Variants in ADGRL2 observed in about 807,000 individuals in gnomAD.
ADGRL2 encodes the protein adhesion G protein-coupled receptor L2.
ADGRL2 carries 44 observed loss-of-function variants against 157.4 expected under a neutral mutation model. That is an observed-to-expected ratio of 0.28 (90% confidence interval 0.22 to 0.36). ADGRL2 has a LOEUF of 0.36. Among genes scored for constraint, ADGRL2 ranks in the 10% least tolerant of loss-of-function variants. ADGRL2 has a pLI of 1.00. For missense variants in ADGRL2, 1,510 were observed against 1,768.9 expected, an observed-to-expected ratio of 0.85 and a Z score of 2.63; for synonymous variants, 585 against 624.7, an observed-to-expected ratio of 0.94 and a Z score of 0.95.
chr1:81,696,480 C>T (rs1228802069), upstream of ADGRL2, among the ~76,000 whole-genome samples: 3 of 152,058 alleles, frequency 2.0e-5, no homozygotes, highest in Non-Finnish European at 4.4e-5. Flanking sequence ...TGGCCAGGCG[C>T]GGTGGCTCAC....
intron 1 of ADGRL2, among the ~76,000 whole-genome samples, chr1:81,361,241 G>C (rs1318628622): frequency 6.6e-6 from 1 of 151,828 alleles, no homozygotes; most frequent in Non-Finnish European, 1.5e-5. Flanking sequence ...AAGTCTCTAA[G>C]CTGCCATTTT....
intron 1 of ADGRL2, among the ~76,000 whole-genome samples, chr1:81,391,974 A>T (rs2076567669): frequency 6.6e-6 from 1 of 152,170 alleles, no homozygotes; most frequent in South Asian, 2.1e-4. Context: ...CATAACAAGC[A>T]TTATCTCCAG....
At chr1:81,975,791 A>C (rs1558034758) in intron 17 of ADGRL2, among the ~76,000 whole-genome samples, 2 of 151,928 alleles carry the variant, frequency 1.3e-5, no homozygotes, top group Non-Finnish European at 2.9e-5. Flanking sequence ...ATGACTACAG[A>C]TTTTTATCAA....
intron 2 of ADGRL2, among the ~76,000 whole-genome samples, chr1:81,780,209 T>C (rs982140513): frequency 1.3e-3 from 198 of 152,314 alleles, no homozygotes; most frequent in African/African-American, 4.4e-3. Flanking sequence ...ATCAGCTTGA[T>C]TGAATTATAA....
At chr1:81,431,654 A>G (rs570152365) in intron 1 of ADGRL2, among the ~76,000 whole-genome samples, 1 of 152,318 alleles carries the variant, frequency 6.6e-6, no homozygotes, top group African/African-American at 2.4e-5. Flanking sequence ...GTGATTTTCA[A>G]TTTTAGGATT....
intron 2 of ADGRL2, among the ~76,000 whole-genome samples, 179 bp from the exon 3 acceptor site, chr1:81,906,838 A>T (rs1334162411): frequency 6.6e-6 from 1 of 152,238 alleles, no homozygotes; most frequent in Non-Finnish European, 1.5e-5. Context: ...CCAAATAAAG[A>T]TGAATAAAAA....
intron 1 of ADGRL2, among the ~76,000 whole-genome samples, chr1:81,369,704 GA>G (rs61407845): frequency 0.016 from 2,366 of 148,698 alleles, 58 homozygotes; most frequent in African/African-American, 0.053. Flanking sequence ...TTATGAACAT[GA>G]AAAAAAAAAT....
upstream of ADGRL2, among the ~76,000 whole-genome samples, chr1:81,696,043 A>G (rs662179): frequency 0.35 from 52,743 of 151,930 alleles, 9,339 homozygotes; most frequent in Admixed American, 0.41. Context: ...CCACACCCAG[A>G]AGGACCTAGA....
At chr1:81,574,846 G>GATTT (rs2080765920) in intron 2 of ADGRL2, among the ~76,000 whole-genome samples, 1 of 152,162 alleles carries the variant, frequency 6.6e-6, no homozygotes, top group Non-Finnish European at 1.5e-5. Flanking sequence ...ATGCCATTTA[G>GATTT]CGAAGAAAAC....
At chr1:81,619,430 G>C (rs1430771580) in intron 3 of ADGRL2, among the ~76,000 whole-genome samples, 1 of 152,102 alleles carries the variant, frequency 6.6e-6, no homozygotes, top group South Asian at 2.1e-4. Flanking sequence ...TGGTCTTCAC[G>C]ACCTGCAAAC....
At chr1:81,793,584 T>C (rs1327049322) in intron 2 of ADGRL2, among the ~76,000 whole-genome samples, 3 of 152,098 alleles carry the variant, frequency 2.0e-5, no homozygotes, top group African/African-American at 7.2e-5. Context: ...TAAGGTACAA[T>C]ATTTTACTTC....
At chr1:81,582,670 G>C (rs931417800) in intron 3 of ADGRL2, among the ~76,000 whole-genome samples, 1 of 151,838 alleles carries the variant, frequency 6.6e-6, no homozygotes, top group Non-Finnish European at 1.5e-5. Context: ...TTACAGAATA[G>C]ACCAATTTGC....
intron 3 of ADGRL2, among the ~76,000 whole-genome samples, chr1:81,922,699 T>A (rs533685880): frequency 1.8e-4 from 27 of 152,254 alleles, no homozygotes; most frequent in Non-Finnish European, 3.2e-4. Flanking sequence ...CACTTTTTTT[T>A]AAAACCAGCA....
At chr1:81,350,023 G>A (rs537736344) in intron 1 of ADGRL2, among the ~76,000 whole-genome samples, 6 of 151,870 alleles carry the variant, frequency 4.0e-5, no homozygotes, top group South Asian at 4.2e-4. Flanking sequence ...AATAATTACC[G>A]CAAATGTCAT....
chr1:81,399,256 G>A (rs564495974), intron 1 of ADGRL2, among the ~76,000 whole-genome samples: 12 of 152,294 alleles, frequency 7.9e-5, no homozygotes, highest in East Asian at 7.7e-4. Context: ...CCTCCCACCA[G>A]GCTCTGCCTC....
At chr1:81,621,052 T>C (rs942428794) in intron 3 of ADGRL2, among the ~76,000 whole-genome samples, 2 of 152,170 alleles carry the variant, frequency 1.3e-5, no homozygotes, top group African/African-American at 4.8e-5. Flanking sequence ...TTTTCCCCCA[T>C]ATCATGGTGC....
At chr1:81,927,288 C>G (rs2095129506) in intron 3 of ADGRL2, among the ~76,000 whole-genome samples, 1 of 151,880 alleles carries the variant, frequency 6.6e-6, no homozygotes, top group Non-Finnish European at 1.5e-5. Context: ...ACACTATACT[C>G]CTTTTCAGTC....
intron 2 of ADGRL2, among the ~76,000 whole-genome samples, chr1:81,481,965 G>A (rs1006103952): frequency 1.3e-5 from 2 of 151,982 alleles, no homozygotes; most frequent in African/African-American, 2.4e-5. Flanking sequence ...GTACTCTATT[G>A]ACGTTTCTGA....
chr1:81,926,076 C>T (rs1306271448), intron 3 of ADGRL2, among the ~76,000 whole-genome samples: 2 of 151,762 alleles, frequency 1.3e-5, no homozygotes, highest in Non-Finnish European at 2.9e-5. Flanking sequence ...ATTAACAGAC[C>T]AGAAAAGCCA....
Sources: gnomAD v4.1 joint callset for allele counts (sites outside exome capture counted in the v4.1 genomes callset) on GRCh38, gnomAD v4.1.1 for gene constraint, MANE v1.5 for transcripts, NCBI Gene and HGNC (gene_info 2026-07-23, HGNC 2026-07-21) for gene names.